The following ERC2 variants were observed in gnomAD, a reference collection of about 807,000 sequenced individuals.
ERC2 encodes the protein ELKS/RAB6-interacting/CAST family member 2.
A neutral mutation model predicts 114.8 loss-of-function variants in ERC2; 42 were observed. That is an observed-to-expected ratio of 0.37 (90% CI 0.29 to 0.47). The LOEUF (loss-of-function observed/expected upper bound fraction) is 0.47. Among genes scored for constraint, ERC2 ranks in the 20% least tolerant of loss-of-function variants. The probability of loss-of-function intolerance (pLI) is 0.99; values close to 1 mark genes in which losing one functional copy is unlikely to be tolerated. For synonymous variants in ERC2, 454 were observed against 425.5 expected (o/e 1.07, Z -0.82); for missense variants, 939 against 1,150.7 (o/e 0.82, Z 2.66).
At chr3:56,155,829 AG>A (rs2081684511) in intron 4 of ERC2, among the ~76,000 whole-genome samples, 1 of 152,210 alleles carries the variant, frequency 6.6e-6, no homozygotes, top group South Asian at 2.1e-4. Context: ...GTAAGTTTAA[AG>A]AAAAACAGAA....
At chr3:55,861,926 G>A (rs1372180576) in intron 14 of ERC2, among the ~76,000 whole-genome samples, 1 of 152,188 alleles carries the variant, frequency 6.6e-6, no homozygotes, top group African/African-American at 2.4e-5. Context: ...CCTGTACTGT[G>A]TTTTATAGGC....
chr3:55,940,557 A>C (rs910748098), intron 13 of ERC2, among the ~76,000 whole-genome samples: 8 of 152,188 alleles, frequency 5.3e-5, no homozygotes, highest in African/African-American at 1.9e-4. Flanking sequence ...GTTCTGGTTT[A>C]CTTTCAGAAG....
intron 14 of ERC2, among the ~76,000 whole-genome samples, chr3:55,795,601 C>T (rs1366112771): frequency 6.6e-6 from 1 of 152,148 alleles, no homozygotes; most frequent in African/African-American, 2.4e-5. Flanking sequence ...CCTTTCACTC[C>T]CGACAGGTCT....
intron 17 of ERC2, among the ~76,000 whole-genome samples, chr3:55,659,755 C>CATAG (rs2061040319): frequency 6.6e-6 from 1 of 152,020 alleles, no homozygotes; most frequent in Non-Finnish European, 1.5e-5. Context: ...TATTTATGGA[C>CATAG]ATAGGTAGGC....
intron 3 of ERC2, among the ~76,000 whole-genome samples, chr3:56,264,130 T>C (rs947760533): frequency 3.3e-5 from 5 of 152,128 alleles, no homozygotes; most frequent in African/African-American, 1.2e-4. Context: ...TCTCAAGAAA[T>C]TAGGTTAAAC....
chr3:56,267,577 C>T (rs2053396894), intron 3 of ERC2, among the ~76,000 whole-genome samples: 1 of 150,298 alleles, frequency 6.7e-6, no homozygotes, highest in Non-Finnish European at 1.5e-5. Flanking sequence ...TGAGACCAGG[C>T]TGGCCAACAT....
chr3:56,379,215 T>C (rs1382802348), intron 2 of ERC2, among the ~76,000 whole-genome samples: 9 of 152,180 alleles, frequency 5.9e-5, no homozygotes, highest in Admixed American at 5.9e-4. Flanking sequence ...GGCTATTAAG[T>C]ATACCATACT....
intron 6 of ERC2, among the ~76,000 whole-genome samples, chr3:56,108,331 T>A (rs1405802010): frequency 1.3e-5 from 2 of 152,118 alleles, no homozygotes; most frequent in Non-Finnish European, 2.9e-5. Flanking sequence ...AAATATTTAA[T>A]GTTTTGAAGT....
At chr3:56,441,850 C>T (rs1411935614) in intron 1 of ERC2, among the ~76,000 whole-genome samples, 4 of 152,028 alleles carry the variant, frequency 2.6e-5, no homozygotes, top group Admixed American at 2.6e-4. Flanking sequence ...CCCAGCCTTC[C>T]CTGGGATAAA....
At chr3:55,921,225 T>A (rs1419254813) in intron 13 of ERC2, among the ~76,000 whole-genome samples, 1 of 152,274 alleles carries the variant, frequency 6.6e-6, no homozygotes, top group South Asian at 2.1e-4. Flanking sequence ...ATTTGAAATC[T>A]GGCTGACTCT....
chr3:56,012,318 C>G (rs6780386), intron 8 of ERC2, among the ~76,000 whole-genome samples: 43,712 of 152,038 alleles, frequency 0.29, 7,535 homozygotes, highest in Middle Eastern at 0.38. Flanking sequence ...CCAAAAGGAC[C>G]TGTCGTCTCA....
intron 14 of ERC2, among the ~76,000 whole-genome samples, chr3:55,756,346 T>C (rs1259930426): frequency 6.6e-6 from 1 of 152,144 alleles, no homozygotes; most frequent in Non-Finnish European, 1.5e-5. Context: ...TAACATGATC[T>C]TAGGTGACTG....
intron 2 of ERC2, among the ~76,000 whole-genome samples, chr3:56,404,583 G>A (rs985432608): frequency 1.3e-5 from 2 of 152,120 alleles, no homozygotes; most frequent in Admixed American, 6.5e-5. Flanking sequence ...TAATTAGATT[G>A]TAACACAAAG....
chr3:55,566,673 C>T (rs1180477489), intron 17 of ERC2, among the ~76,000 whole-genome samples: 1 of 152,146 alleles, frequency 6.6e-6, no homozygotes, highest in Non-Finnish European at 1.5e-5. Context: ...GATCCACTCG[C>T]CTCAGCCTCC....
intron 3 of ERC2, among the ~76,000 whole-genome samples, chr3:56,278,130 A>G (rs2054124059): frequency 6.6e-6 from 1 of 152,254 alleles, no homozygotes; most frequent in African/African-American, 2.4e-5. Context: ...TGGGTGACTG[A>G]TAAATGTTAG....
At chr3:55,723,543 T>C (rs150961857) in intron 15 of ERC2, among the ~76,000 whole-genome samples, 6 of 151,888 alleles carry the variant, frequency 4.0e-5, no homozygotes. Context: ...TTGCAGAGAA[T>C]CAAAAGAAGA....
chr3:55,778,964 T>C (rs2068810402), intron 14 of ERC2, among the ~76,000 whole-genome samples: 1 of 151,680 alleles, frequency 6.6e-6, no homozygotes, highest in Non-Finnish European at 1.5e-5. Context: ...ATTGGAATAA[T>C]GACAATAGGC....
Position 55,508,961 on chromosome 3 carries a change from T to A in ERC2, c.*2355A>T, listed in dbSNP as rs1311385173. On this transcript the variant is annotated 3_prime_UTR_variant, in exon 18 of 18. Transcript: ENST00000288221. Reference sequence around the variant, plus strand: ...GCGCAAAGGAAATAGCTTCCCAACATCACAGTGTTTGTTGTAAACCCAGAG... The same window carrying A: ...GCGCAAAGGAAATAGCTTCCCAACAACACAGTGTTTGTTGTAAACCCAGAG... 1 of 152,596 alleles carries A rather than the reference T, an allele frequency of 6.6e-6. No individual in the cohort carries two copies. Among genetic ancestry groups the A allele is most frequent in the Non-Finnish European group, 1.5e-5 (1 of 68,030 alleles). The allele number at this position is 152,596 out of a possible 1,614,324, so 9.5% of individuals were successfully genotyped here. A position where few individuals can be genotyped will look rare whatever the true frequency, so the allele number is the denominator to read the frequency against.
At chr3:56,099,173 G>A (rs1320291979) in intron 6 of ERC2, among the ~76,000 whole-genome samples, 1 of 152,182 alleles carries the variant, frequency 6.6e-6, no homozygotes. Flanking sequence ...CCAAGTGAAG[G>A]AGCCTCCTGA....
Sources: gnomAD v4.1 joint callset for allele counts (sites outside exome capture counted in the v4.1 genomes callset) on GRCh38, gnomAD v4.1.1 for gene constraint, MANE v1.5 for transcripts, NCBI Gene and HGNC (gene_info 2026-07-23, HGNC 2026-07-21) for gene names.